The following DDX27 variants were observed in gnomAD, a reference collection of about 807,000 sequenced individuals.
The protein encoded by DDX27 is DEAD-box helicase 27, also known as probable ATP-dependent RNA helicase DDX27.
DDX27 carries 42 observed loss-of-function variants against 99.3 expected under a neutral mutation model. That is an observed-to-expected ratio of 0.42 (90% CI 0.33 to 0.55). The LOEUF is 0.55. Ranked by LOEUF, DDX27 falls within the 20% of genes least tolerant of loss-of-function variation. DDX27 has a pLI of 0.07. For synonymous variants in DDX27, 329 were observed against 353.8 expected (o/e 0.93, Z 0.79); for missense variants, 798 against 976.8 (o/e 0.82, Z 2.44).
intron 2 of DDX27, among the ~76,000 whole-genome samples, chr20:49,222,111 T>G (rs779518489): frequency 1.3e-5 from 2 of 152,158 alleles, no homozygotes; most frequent in Non-Finnish European, 2.9e-5. Flanking sequence ...GTCCTTACTC[T>G]GATTGAAGTA....
At chr20:49,226,368 G>T in intron 6 of DDX27, 62 bp from the exon 7 acceptor site, 3 of 1,344,326 alleles carry the variant, frequency 2.2e-6, no homozygotes, top group Non-Finnish European at 2.1e-6. Context: ...AACCTGCCCT[G>T]TTTGTGTTGT....
rs1378375962 is a variant in DDX27 at position 49,219,503 on chromosome 20, G to A, written c.55G>A (p.Val19Met). 9 of 1,614,028 alleles carry A rather than the reference G, an allele frequency of 5.6e-6. No homozygotes were observed. In the Admixed American group the frequency reaches 1.5e-4, roughly 27 times the overall value. The change falls in exon 1 of 21, where the codon GTG becomes ATG. Residue 19 changes from valine (V) to methionine (M), a missense_variant. Val to Met is a conservative substitution (Grantham distance 21, BLOSUM62 1). Coordinates refer to ENST00000618172, the MANE Select transcript of DDX27 (RefSeq NM_017895.8). ...GTIGEDDEVPVEPESDSGDEE... is the reference protein window; with the variant it reads ...GTIGEDDEVPMEPESDSGDEE... ...CATAGGCGAGGATGACGAGGTGCCG[G>A]TGGAGCCCGAGTCTGACTCCGGGGA...
intron 9 of DDX27, among the ~76,000 whole-genome samples, chr20:49,233,003 C>T (rs1167225616): frequency 2.0e-5 from 3 of 151,430 alleles, no homozygotes; most frequent in South Asian, 2.1e-4. Flanking sequence ...TAGATATTCA[C>T]GCACTTGAAA....
chr20:49,219,469 A>C lies in DDX27; in HGVS notation c.21A>C (p.Leu7Phe), dbSNP rs200304299. MLADLG[L>F]IGTIGEDDEV... is the part of the protein sequence containing the mutation. ...ACAACATGCTTGCGGACCTCGGCTT[A>C]ATCGGAACCATAGGCGAGGATGACG... Residue 7 changes from leucine to phenylalanine, a missense_variant, in exon 1 of 21, where the codon TTA (leucine) becomes TTC (phenylalanine). By Grantham distance (22) the Leu-to-Phe change is conservative. This residue lies in a region of DDX27 where 245 missense variants were observed against 248.8 expected (regional missense o/e 0.98). Coordinates refer to ENST00000618172, the MANE Select transcript of DDX27 (RefSeq NM_017895.8). The C allele has an allele frequency of 1.8e-5, 29 of 1,613,994 alleles. No individual in the cohort carries two copies. Among genetic ancestry groups the C allele is most frequent in the Non-Finnish European group, 2.5e-5 (29 of 1,180,014 alleles).
At position 49,233,707 on chromosome 20, in the gene DDX27, C is replaced by G; in HGVS notation, c.1271C>G (p.Ala424Gly). The G allele has an allele frequency of 1.2e-6, 2 of 1,613,056 alleles. No individual in the cohort carries two copies. Among genetic ancestry groups the G allele is most frequent in the Non-Finnish European group, 1.7e-6 (2 of 1,179,530 alleles). ...NREGDREAIV[A>G]ALLTRTFTDH... ...GAAGGAGACCGGGAAGCCATCGTGG[C>G]AGGTGGCAGCACAGGGCAAGCCTGG... The change falls in exon 11 of 21, where the codon GCA (alanine) becomes GGA (glycine). Residue 424 changes from alanine to glycine, a missense_variant and splice_region_variant. Ala to Gly is a moderately conservative substitution (Grantham distance 60). Transcript: ENST00000618172.
rs1045002339 is a variant in DDX27, at chr20:49,229,068, C to T, written c.880+180C>T. 4.1e-5 allele frequency among the ~76,000 whole-genome samples: 6 copies of T among 145,318 alleles called. No individual in the cohort carries two copies. The East Asian group carries it at 1.0e-3, about 24-fold the overall frequency. ...TTTTTTTTTTGAGACGGAGGAGTCTCGCTCTGTCGCCCAGGCTGGAGTGCA... is the reference window on the plus strand; with the variant it reads ...TTTTTTTTTTGAGACGGAGGAGTCTTGCTCTGTCGCCCAGGCTGGAGTGCA... On this transcript the variant is annotated intron_variant, in intron 8 of 20. Transcript: ENST00000618172.
In DDX27 at chr20:49,236,603, A is replaced by T. The variant is rs1980318568; in HGVS notation, c.1687+93A>T. ...TGAGAGCAGGTACTTTGCAGTTCAG[A>T]GCCAGATTTGAATTCCAGCCCTGCT... On this transcript the variant is annotated intron_variant, in intron 14 of 20. Transcript: ENST00000618172. The surrounding 1 kb of genome is among the most constrained non-coding windows in gnomAD (Gnocchi z 4.1). 1 of 1,294,928 alleles carries T rather than the reference A, an allele frequency of 7.7e-7. No individual in the cohort carries two copies. Among genetic ancestry groups the T allele is most frequent in the African/African-American group, 1.5e-5 (1 of 66,254 alleles). The allele number at this position is 1,294,928 out of a possible 1,614,324, so 80.2% of individuals were successfully genotyped here. A position where few individuals can be genotyped will look rare whatever the true frequency, so the allele number is the denominator to read the frequency against.
chr20:49,228,788 C>A lies in DDX27; in HGVS notation c.780C>A (p.Arg260=). The change falls in exon 8 of 21, where the codon CGC becomes CGA. Residue 260 remains arginine (R), a synonymous_variant. Coordinates refer to ENST00000618172, the MANE Select transcript of DDX27 (RefSeq NM_017895.8). ...AACCCCGCCAGGCTCCAGTCACCCG[C>A]GTGCTGGTGCTAGTGCCCACCCGAG... The part of the protein sequence containing the change: ...IYKPRQAPVT[R]VLVLVPTREL... 6.2e-7 allele frequency: 1 copy of A among 1,613,478 alleles called. No individual in the cohort carries two copies. The highest frequency in any genetic ancestry group is 8.5e-7 in the Non-Finnish European group (1 of 1,179,644).
At chr20:49,226,570 G>T (rs780011859) in intron 7 of DDX27, 35 bp downstream of exon 7, 2 of 1,543,214 alleles carry the variant, frequency 1.3e-6, no homozygotes, top group Admixed American at 3.4e-5. Context: ...GGGCAGAAGG[G>T]TGTTACGGCC....
intron 16 of DDX27, among the ~76,000 whole-genome samples, chr20:49,241,255 A>G (rs760258418): frequency 6.6e-6 from 1 of 152,204 alleles, no homozygotes; most frequent in Non-Finnish European, 1.5e-5. Flanking sequence ...AATGCTGTCT[A>G]TATTTGATGG....
At chr20:49,222,841 T>C in intron 2 of DDX27, 116 bp from the exon 3 acceptor site, 1 of 678,618 alleles carries the variant, frequency 1.5e-6, no homozygotes, top group Non-Finnish European at 2.4e-6. Flanking sequence ...AATATGTATA[T>C]GTATTTTCAG....
intron 8 of DDX27, among the ~76,000 whole-genome samples, chr20:49,229,788 G>A (rs1313941049): frequency 6.6e-6 from 1 of 151,826 alleles, no homozygotes; most frequent in African/African-American, 2.4e-5. Context: ...TGGAATTATA[G>A]GTGTGCACCA....
chr20:49,230,666 G>A lies in DDX27; in HGVS notation c.1031+317G>A, dbSNP rs1442028177. On this transcript the variant is annotated intron_variant, in intron 9 of 20. Transcript: ENST00000618172. ...TTGTAAATGGGAGATAAGGACATAC[G>A]CACACCATAGTGTTGAGGAGCTGAG... is the stretch of plus-strand genomic sequence containing the variant. Among the ~76,000 whole-genome samples, 3 of 152,172 alleles carry A rather than the reference G, an allele frequency of 2.0e-5. No individual in the cohort carries two copies. The East Asian group carries it at 5.8e-4, about 29-fold the overall frequency.
intron 4 of DDX27, among the ~76,000 whole-genome samples, chr20:49,223,855 T>G (rs979660327): frequency 2.0e-5 from 3 of 152,118 alleles, no homozygotes; most frequent in African/African-American, 7.2e-5. Flanking sequence ...AACTTAACCC[T>G]GGGCCACAGA....
At chr20:49,235,173 A>G (rs1489015244) in intron 12 of DDX27, 85 bp downstream of exon 12, 1 of 1,435,874 alleles carries the variant, frequency 7.0e-7, no homozygotes, top group South Asian at 1.4e-5. Context: ...TGAGCATTCT[A>G]TTAGAACATT....
chr20:49,234,659 G>A (rs1980245772), intron 11 of DDX27: 1 of 308,394 alleles, frequency 3.2e-6, no homozygotes. Flanking sequence ...ATCTTCCCAT[G>A]GATCATCTGC....
At chr20:49,241,518 G>A (rs1047649931) in intron 16 of DDX27, among the ~76,000 whole-genome samples, 1 of 151,546 alleles carries the variant, frequency 6.6e-6, no homozygotes, top group African/African-American at 2.4e-5. Flanking sequence ...TGTCGCCCAG[G>A]CTGGAGTGCA....
At chr20:49,225,290 C>G in intron 6 of DDX27, 91 bp downstream of exon 6, 1 of 1,097,480 alleles carries the variant, frequency 9.1e-7, no homozygotes, top group Non-Finnish European at 1.4e-6. Flanking sequence ...TCAAGCAATC[C>G]TCTTGCCTCA....
At chr20:49,221,687 A>G (rs574134300) in intron 2 of DDX27, 89 bp downstream of exon 2, 59 of 1,186,006 alleles carry the variant, frequency 5.0e-5, no homozygotes, top group African/African-American at 6.2e-5. Context: ...CTGACTGACC[A>G]TCTGTTTACA....
Sources: allele counts gnomAD v4.1 joint callset (sites outside exome capture counted in the v4.1 genomes callset), GRCh38; gene constraint gnomAD v4.1.1; regional missense constraint gnomAD v4.1.1; non-coding constraint Gnocchi (gnomAD v3.1); transcripts MANE v1.5; gene names NCBI Gene and HGNC (gene_info 2026-07-23, HGNC 2026-07-21).